SLC35F1: variants seen among roughly 807,000 people sequenced by gnomAD.
SLC35F1 encodes the protein solute carrier family 35 member F1.
A neutral mutation model predicts 48.7 loss-of-function variants in SLC35F1; 14 were observed. The ratio of observed to expected loss-of-function variants is 0.29; its 90% CI spans 0.19 to 0.45. SLC35F1 has a LOEUF of 0.45. SLC35F1 is among the 20% of genes least tolerant of loss of function. The pLI is 1.00. For missense variants in SLC35F1, 404 were observed against 500.0 expected (o/e 0.81, Z 1.83); for synonymous variants, 190 against 202.2 (o/e 0.94, Z 0.51).
chr6:118,108,698 G>T (rs1773357034), intron 1 of SLC35F1, among the ~76,000 whole-genome samples: 1 of 152,074 alleles, frequency 6.6e-6, no homozygotes, highest in African/African-American at 2.4e-5. Flanking sequence ...GTGGGTTGGG[G>T]AATTGTTTGG....
intron 1 of SLC35F1, among the ~76,000 whole-genome samples, chr6:118,150,503 C>A (rs2114461131): frequency 6.6e-6 from 1 of 152,226 alleles, no homozygotes; most frequent in South Asian, 2.1e-4. Flanking sequence ...AAAGGCATAG[C>A]ATATTGCCAA....
At chr6:118,183,809 T>G (rs929938462) in intron 2 of SLC35F1, among the ~76,000 whole-genome samples, 2 of 152,200 alleles carry the variant, frequency 1.3e-5, no homozygotes, top group Non-Finnish European at 2.9e-5. Flanking sequence ...TTTTACAAAT[T>G]ACTGTGAACA....
intron 1 of SLC35F1, among the ~76,000 whole-genome samples, chr6:117,983,724 A>G (rs1776812540): frequency 6.6e-6 from 1 of 152,244 alleles, no homozygotes; most frequent in Admixed American, 6.5e-5. Context: ...TAAAGATAAA[A>G]TAATAAAAAC....
intron 1 of SLC35F1, among the ~76,000 whole-genome samples, chr6:118,008,043 T>C (rs1316194859): frequency 6.6e-6 from 1 of 152,108 alleles, no homozygotes; most frequent in Non-Finnish European, 1.5e-5. Context: ...AACACATGGA[T>C]ATTTGCTCTT....
intron 1 of SLC35F1, among the ~76,000 whole-genome samples, chr6:118,093,710 G>A (rs1293491623): frequency 6.6e-6 from 1 of 152,138 alleles, no homozygotes; most frequent in Non-Finnish European, 1.5e-5. Flanking sequence ...TTTATTAGCA[G>A]CATAAGAATG....
intron 1 of SLC35F1, among the ~76,000 whole-genome samples, chr6:117,996,346 A>G (rs1776989548): frequency 6.6e-6 from 1 of 152,236 alleles, no homozygotes; most frequent in African/African-American, 2.4e-5. Flanking sequence ...GAATAGGAAC[A>G]GCTCCGGTCT....
At chr6:118,174,137 G>T (rs867201647) in intron 2 of SLC35F1, among the ~76,000 whole-genome samples, 14 of 152,206 alleles carry the variant, frequency 9.2e-5, no homozygotes, top group Middle Eastern at 3.4e-3. Flanking sequence ...AGTCTCTACT[G>T]TTTTTTTATA....
At chr6:118,234,949 T>G (rs1357094384) in intron 2 of SLC35F1, among the ~76,000 whole-genome samples, 4 of 152,206 alleles carry the variant, frequency 2.6e-5, no homozygotes, top group African/African-American at 7.2e-5. Flanking sequence ...CAAATGGCAC[T>G]CTTTTTCATC....
At chr6:118,237,581 G>A (rs541714559) in intron 3 of SLC35F1, among the ~76,000 whole-genome samples, 1 of 152,176 alleles carries the variant, frequency 6.6e-6, no homozygotes, top group East Asian at 1.9e-4. Flanking sequence ...CTAGAGATGG[G>A]ATTTCCCCAT....
chr6:117,992,844 C>G (rs542677352), intron 1 of SLC35F1, among the ~76,000 whole-genome samples: 1 of 152,320 alleles, frequency 6.6e-6, no homozygotes, highest in African/African-American at 2.4e-5. Flanking sequence ...ACTTTAGTTT[C>G]ATTAGCTTCA....
chr6:117,968,267 G>A (rs1776596362), intron 1 of SLC35F1, among the ~76,000 whole-genome samples: 1 of 152,076 alleles, frequency 6.6e-6, no homozygotes, highest in African/African-American at 2.4e-5. Context: ...CTGATTTTGT[G>A]GGCTTTCTCA....
chr6:118,097,131 A>C (rs779164811), intron 1 of SLC35F1, among the ~76,000 whole-genome samples: 2 of 152,122 alleles, frequency 1.3e-5, no homozygotes, highest in Non-Finnish European at 2.9e-5. Context: ...TTCAGAATTC[A>C]CACAACTGCT....
At chr6:118,246,531 G>A (rs945256798) in intron 3 of SLC35F1, among the ~76,000 whole-genome samples, 4 of 152,174 alleles carry the variant, frequency 2.6e-5, no homozygotes, top group Admixed American at 6.5e-5. Flanking sequence ...CTCCAGAGGT[G>A]ACACCTGAAC....
chr6:118,283,930 G>A (rs904246456), intron 6 of SLC35F1, among the ~76,000 whole-genome samples: 3 of 152,148 alleles, frequency 2.0e-5, no homozygotes, highest in Non-Finnish European at 2.9e-5. Flanking sequence ...TTACCTTTCC[G>A]AAATAGGAAA....
At chr6:118,162,990 C>T (rs1295479020) in intron 2 of SLC35F1, among the ~76,000 whole-genome samples, 1 of 150,540 alleles carries the variant, frequency 6.6e-6, no homozygotes, top group Non-Finnish European at 1.5e-5. Flanking sequence ...CGGGGTCTCA[C>T]TCTGTCTCCC....
intron 1 of SLC35F1, among the ~76,000 whole-genome samples, chr6:117,981,508 A>G (rs1417994262): frequency 6.6e-6 from 1 of 152,138 alleles, no homozygotes; most frequent in Non-Finnish European, 1.5e-5. Context: ...GGGAGGTGAC[A>G]TCAGGGAGTG....
chr6:118,249,835 G>T (rs80316510), intron 3 of SLC35F1, among the ~76,000 whole-genome samples: 1 of 152,178 alleles, frequency 6.6e-6, no homozygotes, highest in African/African-American at 2.4e-5. Context: ...CCATGACTGG[G>T]CATTTCCTGA....
intron 1 of SLC35F1, among the ~76,000 whole-genome samples, chr6:118,116,061 A>G (rs1292857925): frequency 2.6e-5 from 4 of 152,192 alleles, no homozygotes; most frequent in Admixed American, 2.6e-4. Context: ...TTCAAATATG[A>G]GAGACAAACT....
chr6:118,094,114 C>A (rs937237730), intron 1 of SLC35F1, among the ~76,000 whole-genome samples: 6 of 152,022 alleles, frequency 3.9e-5, no homozygotes, highest in African/African-American at 1.5e-4. Flanking sequence ...CAGCATAATT[C>A]TATGCTGTTG....
Sources: gnomAD v4.1 joint callset for allele counts (sites outside exome capture counted in the v4.1 genomes callset) on GRCh38, gnomAD v4.1.1 for gene constraint, MANE v1.5 for transcripts, NCBI Gene and HGNC (gene_info 2026-07-23, HGNC 2026-07-21) for gene names.